CPNE8: variants seen among roughly 807,000 people sequenced by gnomAD.
The protein encoded by CPNE8 is copine 8.
In CPNE8, 45 loss-of-function variants were observed where a neutral mutation model predicts 81.5. That is an observed-to-expected ratio of 0.55 (90% CI 0.44 to 0.71). The LOEUF (loss-of-function observed/expected upper bound fraction) is 0.71, where lower values mean the gene tolerates loss of function less well. Ranked by LOEUF, CPNE8 falls within the 30% of genes least tolerant of loss-of-function variation. The pLI, the probability that CPNE8 is intolerant of heterozygous loss-of-function variation, is 0.00. For missense variants in CPNE8, 594 were observed against 672.1 expected, an observed-to-expected ratio of 0.88 and a Z score of 1.28; for synonymous variants, 252 against 226.3, an observed-to-expected ratio of 1.11 and a Z score of -1.02.
rs190637530 is a variant in CPNE8 at position 38,891,887 on chromosome 12, G to C, written c.98+13550C>G. On this transcript the variant is annotated intron_variant, in intron 1 of 19. Transcript: ENST00000331366. Reference sequence around the variant, plus strand: ...TTTCATGTGCAAAGCACAAAGTCTGGTTTTGTAATAATCAATGATAAAACA... The same window carrying C: ...TTTCATGTGCAAAGCACAAAGTCTGCTTTTGTAATAATCAATGATAAAACA... Among the ~76,000 whole-genome samples, 318 of 152,304 alleles carry C rather than the reference G, an allele frequency of 2.1e-3. 1 individual carries two copies. The highest frequency in any genetic ancestry group is 7.6e-4 in the Non-Finnish European group (52 of 68,016).
chr12:38,864,932 A>C (rs1295621533), intron 3 of CPNE8, among the ~76,000 whole-genome samples: 1 of 152,226 alleles, frequency 6.6e-6, no homozygotes, highest in Non-Finnish European at 1.5e-5. Flanking sequence ...GCCACACTAT[A>C]TAAAGGAAAA....
chr12:38,845,762 A>G (rs910380895), intron 4 of CPNE8, among the ~76,000 whole-genome samples: 9 of 152,184 alleles, frequency 5.9e-5, no homozygotes, highest in Admixed American at 1.3e-4. Context: ...ATGGAAAATC[A>G]AAAGGAATTA....
intron 6 of CPNE8, among the ~76,000 whole-genome samples, chr12:38,795,177 T>A (rs1375652959): frequency 6.6e-6 from 1 of 152,228 alleles, no homozygotes; most frequent in Non-Finnish European, 1.5e-5. Context: ...GCTTCCTTGC[T>A]CCTCAACCTG....
At chr12:38,857,207 T>A (rs1481014086) in intron 3 of CPNE8, among the ~76,000 whole-genome samples, 1 of 152,154 alleles carries the variant, frequency 6.6e-6, no homozygotes. Context: ...TATATCAGTA[T>A]TATTCATGCC....
chr12:38,720,482 A>G (rs1015489553), intron 13 of CPNE8, among the ~76,000 whole-genome samples: 4 of 152,174 alleles, frequency 2.6e-5, no homozygotes, highest in African/African-American at 9.7e-5. Flanking sequence ...ACACATACAT[A>G]TTCTTCACAT....
At chr12:38,756,694 T>A (rs1360587480) in intron 10 of CPNE8, among the ~76,000 whole-genome samples, 1 of 152,186 alleles carries the variant, frequency 6.6e-6, no homozygotes, top group Non-Finnish European at 1.5e-5. Context: ...CCCCATTTTA[T>A]AAGGAGTCAA....
intron 3 of CPNE8, among the ~76,000 whole-genome samples, chr12:38,864,972 G>T (rs1487876620): frequency 6.6e-6 from 1 of 152,066 alleles, no homozygotes; most frequent in Non-Finnish European, 1.5e-5. Context: ...AAGCAACAAG[G>T]AATTCCTGTC....
intron 6 of CPNE8, among the ~76,000 whole-genome samples, chr12:38,795,526 T>A (rs753844205): frequency 6.6e-6 from 1 of 152,174 alleles, no homozygotes; most frequent in Non-Finnish European, 1.5e-5. Context: ...ATACATAGGA[T>A]GGAATGTTAC....
intron 6 of CPNE8, among the ~76,000 whole-genome samples, chr12:38,814,947 G>C (rs901671032): frequency 5.3e-5 from 8 of 152,086 alleles, no homozygotes; most frequent in African/African-American, 1.9e-4. Flanking sequence ...ATATTTTTAA[G>C]TTAGCCACAT....
chr12:38,821,568 A>G (rs1263785853), intron 6 of CPNE8, among the ~76,000 whole-genome samples: 1 of 149,590 alleles, frequency 6.7e-6, no homozygotes, highest in Non-Finnish European at 1.5e-5. Flanking sequence ...CAACCAACCA[A>G]TCATTCTGAG....
chr12:38,898,635 T>A (rs79180818), intron 1 of CPNE8, among the ~76,000 whole-genome samples: 14,713 of 152,258 alleles, frequency 0.097, 1,007 homozygotes, highest in African/African-American at 0.2. Context: ...TTACATAGTA[T>A]CTCCAAATTT....
intron 14 of CPNE8, among the ~76,000 whole-genome samples, chr12:38,695,369 CACACA>C (rs1340032479): frequency 4.6e-5 from 7 of 152,180 alleles, no homozygotes; most frequent in African/African-American, 9.6e-5. Context: ...ATGGCCTAAG[CACACA>C]AACCAACTTC....
chr12:38,752,488 G>T (rs890423279), intron 10 of CPNE8, among the ~76,000 whole-genome samples: 2 of 152,078 alleles, frequency 1.3e-5, no homozygotes, highest in Admixed American at 6.6e-5. Flanking sequence ...TAAAAAGCTG[G>T]CTCTGGCAAA....
chr12:38,877,526 T>C (rs985710792), intron 1 of CPNE8, among the ~76,000 whole-genome samples: 4 of 152,050 alleles, frequency 2.6e-5, no homozygotes, highest in Admixed American at 6.5e-5. Flanking sequence ...GTCTTTCTAT[T>C]CTGCAAATCT....
chr12:38,762,757 A>G (rs1371249735), intron 8 of CPNE8, among the ~76,000 whole-genome samples: 1 of 152,218 alleles, frequency 6.6e-6, no homozygotes, highest in Non-Finnish European at 1.5e-5. Flanking sequence ...TTTTGTTTTC[A>G]AGATGGAAGA....
intron 8 of CPNE8, among the ~76,000 whole-genome samples, chr12:38,762,678 G>T (rs189181480): frequency 6.6e-6 from 1 of 152,256 alleles, no homozygotes; most frequent in African/African-American, 2.4e-5. Context: ...AAAAAGTTAG[G>T]CTAATTTAAG....
intron 3 of CPNE8, among the ~76,000 whole-genome samples, chr12:38,871,104 T>C (rs1275575063): frequency 1.3e-5 from 2 of 152,180 alleles, no homozygotes; most frequent in Non-Finnish European, 2.9e-5. Context: ...GCATGAGAAA[T>C]TTTTTAAGGA....
intron 3 of CPNE8, among the ~76,000 whole-genome samples, chr12:38,862,618 G>C (rs1013162475): frequency 6.6e-6 from 1 of 152,134 alleles, no homozygotes; most frequent in African/African-American, 2.4e-5. Context: ...TTAGAAAAAT[G>C]ACTGACAATA....
chr12:38,792,951 T>C (rs1428900198), intron 6 of CPNE8, among the ~76,000 whole-genome samples: 1 of 151,902 alleles, frequency 6.6e-6, no homozygotes, highest in Non-Finnish European at 1.5e-5. Context: ...ATCAATGTAA[T>C]ACACCACATT....
Sources: allele counts gnomAD v4.1 joint callset (sites outside exome capture counted in the v4.1 genomes callset), GRCh38; gene constraint gnomAD v4.1.1; transcripts MANE v1.5; gene names NCBI Gene and HGNC (gene_info 2026-07-23, HGNC 2026-07-21).